Variants in SLC6A7 observed in about 807,000 individuals in gnomAD.
SLC6A7 encodes solute carrier family 6 member 7, also known as sodium-dependent proline transporter.
SLC6A7 carries 58 observed loss-of-function variants against 73.1 expected under a neutral mutation model. The ratio of observed to expected loss-of-function variants is 0.79; its 90% confidence interval spans 0.64 to 0.99. The LOEUF (loss-of-function observed/expected upper bound fraction) is 0.99. SLC6A7 is among the 50% of genes least tolerant of loss of function. The probability of loss-of-function intolerance (pLI) is 0.00; values close to 1 mark genes in which losing one functional copy is unlikely to be tolerated. For synonymous variants in SLC6A7, 338 were observed against 338.7 expected (o/e 1.00, Z 0.02); for missense variants, 783 against 831.4 (o/e 0.94, Z 0.72).
Position 150,202,365 on chromosome 5 carries a change from C to T in SLC6A7, c.877C>T (p.Leu293Phe), listed in dbSNP as rs1439138682. The change falls in exon 7 of 14, where the codon CTT becomes TTT. Residue 293 changes from leucine to phenylalanine, a missense_variant. Transcript: ENST00000230671. ...GGCACAGGTGTGGATTGAAGCTGCT[C>T]TTCAGATCTTCTATTCCCTGGGTGT... Reference protein sequence around the residue: ...LSSKVWIEAALQIFYSLGVGF... With the variant: ...LSSKVWIEAAFQIFYSLGVGF... 2 of 1,613,984 alleles carry T rather than the reference C, an allele frequency of 1.2e-6. No individual in the cohort carries two copies. Among genetic ancestry groups the T allele is most frequent in the Non-Finnish European group, 1.7e-6 (2 of 1,179,818 alleles).
chr5:150,205,944 G>A (rs1180512684), intron 13 of SLC6A7, among the ~76,000 whole-genome samples: 2 of 152,154 alleles, frequency 1.3e-5, no homozygotes, highest in Non-Finnish European at 2.9e-5. Context: ...TGGAACTCAG[G>A]GTCAAATGGC....
intron 4 of SLC6A7, among the ~76,000 whole-genome samples, chr5:150,198,115 G>GAAAAAGAA (rs1224170798): frequency 9.0e-5 from 7 of 77,534 alleles, no homozygotes; most frequent in African/African-American, 2.4e-4. Flanking sequence ...AAGAAAGAAA[G>GAAAAAGAA]AGAAAGAAAG....
Position 150,209,895 on chromosome 5 carries a change from G to C in SLC6A7, c.*280G>C. 2.2e-6 allele frequency: 1 copy of C among 461,278 alleles called. No individual in the cohort carries two copies. The highest frequency in any genetic ancestry group is 4.0e-6 in the Non-Finnish European group (1 of 250,912). 28.6% of individuals were successfully genotyped at this position (461,278 alleles called of 1,614,324 possible). On this transcript the variant is annotated 3_prime_UTR_variant, in exon 14 of 14. Transcript: ENST00000230671. ...GGATGGACATATTAAGGCCAGGAGG[G>C]GAGGGACTTGCCCCAGGTCGCATGG...
intron 13 of SLC6A7, among the ~76,000 whole-genome samples, chr5:150,206,035 G>C (rs149632976): frequency 1.3e-5 from 2 of 152,302 alleles, no homozygotes; most frequent in African/African-American, 4.8e-5. Context: ...GGTGGCCCGG[G>C]ATAGAATGAT....
chr5:150,199,302 G>A lies in SLC6A7; in HGVS notation c.659G>A (p.Cys220Tyr), dbSNP rs1393668908. The change falls in exon 5 of 14, where the codon TGC becomes TAC. Residue 220 changes from cysteine to tyrosine, a missense_variant. Cys to Tyr is a radical substitution (Grantham distance 194). Coordinates refer to ENST00000230671, the MANE Select transcript of SLC6A7 (RefSeq NM_014228.5). The part of the protein sequence containing the change: ...PGEIRWNLCL[C>Y]LLLAWVIVFL... Reference sequence around the variant, plus strand: ...GAGATCCGCTGGAACCTCTGCCTCTGCCTGCTGCTGGCCTGGGTCATCGTG... The same window carrying A: ...GAGATCCGCTGGAACCTCTGCCTCTACCTGCTGCTGGCCTGGGTCATCGTG... The A allele has an allele frequency of 1.2e-6, 2 of 1,614,140 alleles. No homozygotes were observed. Among genetic ancestry groups the A allele is most frequent in the South Asian group, 2.2e-5 (2 of 91,070 alleles).
At position 150,190,248 on chromosome 5, in the gene SLC6A7, G is replaced by T; in HGVS notation, c.-80G>T. The T allele has an allele frequency of 1.6e-6, 2 of 1,227,562 alleles. No individual in the cohort carries two copies. Among genetic ancestry groups the T allele is most frequent in the South Asian group, 1.4e-5 (1 of 71,466 alleles). 76.0% of individuals were successfully genotyped at this position (1,227,562 alleles called of 1,614,324 possible). On this transcript the variant is annotated 5_prime_UTR_variant, in exon 1 of 14. Coordinates refer to ENST00000230671, the MANE Select transcript of SLC6A7 (RefSeq NM_014228.5). Reference sequence around the variant, plus strand: ...GCGCGGGAGCCGCGGGGGCAAAGGCGCAGTGGCCAGCGGACCATCTCTCGT... The same window carrying T: ...GCGCGGGAGCCGCGGGGGCAAAGGCTCAGTGGCCAGCGGACCATCTCTCGT...
rs1425584222 is a variant in SLC6A7, at chr5:150,209,673, G to A, written c.*58G>A. On this transcript the variant is annotated 3_prime_UTR_variant, in exon 14 of 14. Transcript: ENST00000230671. Reference sequence around the variant, plus strand: ...GGGACCTCACAGTCCCTTCTTAGAAGCCTGCAAAGGTCAGCTGTGCCCTCT... The same window carrying A: ...GGGACCTCACAGTCCCTTCTTAGAAACCTGCAAAGGTCAGCTGTGCCCTCT... 7.4e-7 allele frequency: 1 copy of A among 1,355,020 alleles called. No homozygotes were observed. Among genetic ancestry groups the A allele is most frequent in the African/African-American group, 1.4e-5 (1 of 69,266 alleles). The allele number at this position is 1,355,020 out of a possible 1,614,324, so 83.9% of individuals were successfully genotyped here.
In SLC6A7 at chr5:150,205,640, T is replaced by C. The variant is rs777337836; in HGVS notation, c.1701+17T>C. ...CTCTGGGAGGTGAGTCTGCCCACCC[T>C]GTCCACTCTCAGCCTTCCTGACCTG... On this transcript the variant is annotated intron_variant, in intron 13 of 13. Transcript: ENST00000230671. 6.3e-7 allele frequency: 1 copy of C among 1,594,204 alleles called. No homozygotes were observed. Among genetic ancestry groups the C allele is most frequent in the Non-Finnish European group, 8.5e-7 (1 of 1,170,582 alleles).
intron 5 of SLC6A7, 151 bp from the exon 6 acceptor site, chr5:150,200,938 T>G: frequency 1.4e-6 from 1 of 709,330 alleles, no homozygotes; most frequent in Non-Finnish European, 2.4e-6. Context: ...GCTGGGTGTG[T>G]GAAGGGAGGA....
At chr5:150,198,115 GA>G (rs1369951808) in intron 4 of SLC6A7, among the ~76,000 whole-genome samples, 15,458 of 77,342 alleles carry the variant, frequency 0.2, 1,333 homozygotes, top group Non-Finnish European at 0.29. Flanking sequence ...AAGAAAGAAA[GA>G]GAAAGAAAGA....
At chr5:150,199,135 C>T (rs879876354) in intron 4 of SLC6A7, 93 bp from the exon 5 acceptor site, 17 of 1,457,142 alleles carry the variant, frequency 1.2e-5, no homozygotes, top group Non-Finnish European at 1.5e-5. Flanking sequence ...TGGAGAACAG[C>T]AGTAGAGCCT....
intron 6 of SLC6A7, 27 bp downstream of exon 6, chr5:150,201,250 G>C: frequency 6.3e-7 from 1 of 1,582,130 alleles, no homozygotes; most frequent in Non-Finnish European, 8.6e-7. Flanking sequence ...GGGGTGCAGA[G>C]GGAGGGGCCA....
chr5:150,203,527 G>A, intron 8 of SLC6A7, 140 bp from the exon 9 acceptor site: 1 of 597,442 alleles, frequency 1.7e-6, no homozygotes, highest in Non-Finnish European at 3.0e-6. Flanking sequence ...GGAAGTATCA[G>A]AGGGTGCATT....
chr5:150,199,367 G>T lies in SLC6A7; in HGVS notation c.723+1G>T, dbSNP rs1179708445. The T allele has an allele frequency of 3.1e-6, 5 of 1,612,090 alleles. No homozygotes were observed. Among genetic ancestry groups the T allele is most frequent in the African/African-American group, 1.3e-5 (1 of 74,904 alleles). The stretch of plus-strand genomic sequence containing the variant: ...CAAGGGTGTGAAGTCTTCGGGCAAG[G>T]TGAAGCCTGGGAGGCCCCGGAGGCC... On this transcript the variant is annotated splice_donor_variant, in intron 5 of 13. Transcript: ENST00000230671. LOFTEE classifies it high-confidence loss of function.
Position 150,197,293 on chromosome 5 carries a change from C to T in SLC6A7, c.584+17C>T, listed in dbSNP as rs148958639. The T allele has an allele frequency of 1.3e-6, 2 of 1,547,104 alleles. No individual in the cohort carries two copies. Among genetic ancestry groups the T allele is most frequent in the East Asian group, 2.3e-5 (1 of 44,404 alleles). On this transcript the variant is annotated intron_variant, in intron 4 of 13. Transcript: ENST00000230671. ...GTACTGGAGGTCAGGCAGCTGCTGG[C>T]CCCGCGGCATCTGAGGGGACCCTGC...
chr5:150,191,039 G>A (rs543635418), intron 1 of SLC6A7, among the ~76,000 whole-genome samples: 5 of 152,156 alleles, frequency 3.3e-5, no homozygotes, highest in Non-Finnish European at 5.9e-5. Context: ...GGACCTCTCA[G>A]CCAAGCTGTC....
At position 150,196,806 on chromosome 5, in the gene SLC6A7, T is replaced by A. The variant is rs1260376050; in HGVS notation, c.308T>A (p.Leu103Gln). ...CTCTCCCTGGGCCAGTTCTCCAGCC[T>A]AGGGCCCCTGGCTGTCTGGAAAATC... ...LELSLGQFSS[L>Q]GPLAVWKISP... is the part of the protein sequence containing the mutation. The change falls in exon 3 of 14, where the codon CTA (leucine) becomes CAA (glutamine). Residue 103 changes from leucine (L) to glutamine (Q), a missense_variant. By Grantham distance (113) the Leu-to-Gln change is moderately radical. Transcript: ENST00000230671. 1 of 1,613,998 alleles carries A rather than the reference T, an allele frequency of 6.2e-7. No homozygotes were observed. The highest frequency in any genetic ancestry group is 2.2e-5 in the East Asian group (1 of 44,866).
chr5:150,197,018 C>T (rs1246905183), intron 3 of SLC6A7, 24 bp from the exon 4 acceptor site: 1 of 1,604,346 alleles, frequency 6.2e-7, no homozygotes, highest in Non-Finnish European at 8.5e-7. Context: ...GCCTGGGCAG[C>T]CCAGCAGCCT....
At chr5:150,191,544 C>G (rs1373439719) in intron 1 of SLC6A7, among the ~76,000 whole-genome samples, 2 of 151,990 alleles carry the variant, frequency 1.3e-5, no homozygotes, top group Non-Finnish European at 2.9e-5. Context: ...CATTCTCCTG[C>G]CTCAGCCTCC....
Sources: allele counts gnomAD v4.1 joint callset (sites outside exome capture counted in the v4.1 genomes callset), GRCh38; gene constraint gnomAD v4.1.1; transcripts MANE v1.5; gene names NCBI Gene and HGNC (gene_info 2026-07-23, HGNC 2026-07-21).